The following HMBOX1 variants were observed in gnomAD, a reference collection of about 807,000 sequenced individuals.
The protein encoded by HMBOX1 is homeobox containing 1.
In HMBOX1, 14 loss-of-function variants were observed where a neutral mutation model predicts 54.5. The ratio of observed to expected loss-of-function variants is 0.26; its 90% CI spans 0.17 to 0.40. The LOEUF (loss-of-function observed/expected upper bound fraction) is 0.40, where lower values mean the gene tolerates loss of function less well. HMBOX1 is among the 10% of genes least tolerant of loss of function. The pLI is 1.00. For synonymous variants in HMBOX1, 160 were observed against 181.0 expected (o/e 0.88, Z 0.93); for missense variants, 332 against 514.4 (o/e 0.65, Z 3.43).
intron 1 of HMBOX1, chr8:28,955,862 A>G (rs1824324927): frequency 6.6e-6 from 1 of 151,394 alleles, no homozygotes; most frequent in Non-Finnish European, 1.5e-5. Context: ...CTGAGGCAGG[A>G]GAATCGCTTG....
chr8:29,028,756 T>C (rs1179359491), intron 6 of HMBOX1, among the ~76,000 whole-genome samples: 2 of 152,234 alleles, frequency 1.3e-5, no homozygotes, highest in Non-Finnish European at 2.9e-5. Context: ...GCAGTAATAC[T>C]TTCATATGTG....
At chr8:28,913,655 C>G (rs1815917632) in intron 1 of HMBOX1, among the ~76,000 whole-genome samples, 1 of 152,198 alleles carries the variant, frequency 6.6e-6, no homozygotes, top group Non-Finnish European at 1.5e-5. Context: ...ATGCATTTCT[C>G]TTTCTCTCCC....
chr8:29,009,687 G>A, intron 5 of HMBOX1: 1 of 1,286,038 alleles, frequency 7.8e-7, no homozygotes, highest in Non-Finnish European at 1.0e-6. Context: ...ACTTTAGGAT[G>A]CAGCTGCCCT....
chr8:29,037,856 C>A (rs1262402336), intron 6 of HMBOX1, among the ~76,000 whole-genome samples: 1 of 152,124 alleles, frequency 6.6e-6, no homozygotes, highest in African/African-American at 2.4e-5. Flanking sequence ...AAAGAGTAAT[C>A]TTTCTTCTAA....
intron 6 of HMBOX1, chr8:29,042,641 A>C (rs1239363779): frequency 8.8e-6 from 4 of 456,108 alleles, no homozygotes; most frequent in Non-Finnish European, 1.8e-5. Flanking sequence ...TTGTCCAGGA[A>C]CACTTGGTCC....
chr8:29,046,876 G>T (rs1225796279), intron 7 of HMBOX1, among the ~76,000 whole-genome samples: 5 of 152,174 alleles, frequency 3.3e-5, no homozygotes, highest in Non-Finnish European at 7.4e-5. Context: ...CAGCTACCTG[G>T]GGGGCTGAGG....
chr8:29,046,902 A>T (rs1805644597), intron 7 of HMBOX1, among the ~76,000 whole-genome samples: 1 of 152,218 alleles, frequency 6.6e-6, no homozygotes, highest in Non-Finnish European at 1.5e-5. Flanking sequence ...GGAGCACTTG[A>T]GCCCAGGAGG....
chr8:29,035,201 G>A (rs187131467), intron 6 of HMBOX1, among the ~76,000 whole-genome samples: 8 of 152,162 alleles, frequency 5.3e-5, no homozygotes, highest in Non-Finnish European at 1.2e-4. Flanking sequence ...TTAGTCAGAG[G>A]TAGTCATTTT....
chr8:29,051,375 A>ACC lies in HMBOX1; in HGVS notation c.*220_*221insCC. The ACC allele has an allele frequency of 1.6e-6, 1 of 636,676 alleles. No homozygotes were observed. Among genetic ancestry groups the ACC allele is most frequent in the Non-Finnish European group, 2.8e-6 (1 of 355,334 alleles). The allele number at this position is 636,676 out of a possible 1,614,324, so 39.4% of individuals were successfully genotyped here. On this transcript the variant is annotated 3_prime_UTR_variant, in exon 10 of 10. Transcript: ENST00000287701. ...TAAATAATAACCAACCAACCAACCA[A>ACC]ACTTCCCTCTCCCAGCCCCCGAGGC...
At chr8:28,918,592 A>G (rs1816985067) in intron 1 of HMBOX1, among the ~76,000 whole-genome samples, 1 of 152,182 alleles carries the variant, frequency 6.6e-6, no homozygotes, top group Non-Finnish European at 1.5e-5. Flanking sequence ...TGTTTATAGT[A>G]TTACTTGGTA....
rs768863859 is a variant in HMBOX1 at position 29,048,976 on chromosome 8, T to C, written c.1053T>C (p.His351=). 3.1e-6 allele frequency: 5 copies of C among 1,612,582 alleles called. No individual in the cohort carries two copies. The highest frequency in any genetic ancestry group is 1.7e-5 in the Admixed American group (1 of 59,822). ...ANIEAAILES[H]GIDVQSPGGH... is the part of the protein sequence containing the mutation. ...AAGAAGCAGCAATCCTGGAGAGTCATGGGATAGATGTGCAGAGTCCAGGAG... is the reference window on the plus strand; with the variant it reads ...AAGAAGCAGCAATCCTGGAGAGTCACGGGATAGATGTGCAGAGTCCAGGAG... The change falls in exon 9 of 10, where the codon CAT becomes CAC. Residue 351 remains histidine, a synonymous_variant. Transcript: ENST00000287701.
Position 28,979,220 on chromosome 8 carries a change from G to A in HMBOX1, c.501-851G>A, listed in dbSNP as rs866074017. ...TAAAGCATTGAAAGAGAGATTGGTCGGTTTTAAGAGTTTAACTATAATTTT... is the reference window on the plus strand; with the variant it reads ...TAAAGCATTGAAAGAGAGATTGGTCAGTTTTAAGAGTTTAACTATAATTTT... On this transcript the variant is annotated intron_variant, in intron 3 of 9. Transcript: ENST00000287701. 5.9e-5 allele frequency among the ~76,000 whole-genome samples: 9 copies of A among 152,216 alleles called. No homozygotes were observed. The Middle Eastern group carries it at 0.01, about 173-fold the overall frequency.
At chr8:29,030,947 G>T (rs1242721914) in intron 6 of HMBOX1, among the ~76,000 whole-genome samples, 1 of 152,188 alleles carries the variant, frequency 6.6e-6, no homozygotes, top group Admixed American at 6.5e-5. Context: ...AAAATGGAAA[G>T]AAATTATTGT....
In HMBOX1 at chr8:28,970,498, A is replaced by G; in HGVS notation, c.479A>G (p.Asp160Gly). Residue 160 changes from aspartate to glycine, a missense_variant, in exon 3 of 10, where the codon GAT (aspartate) becomes GGT (glycine). Around this residue, in one of 4 missense-constraint regions of HMBOX1, gnomAD observed 117 missense variants for 220.0 expected, o/e 0.53. Coordinates refer to ENST00000287701, the MANE Select transcript of HMBOX1 (RefSeq NM_001135726.3). The surrounding 1 kb of genome is among the most constrained non-coding windows in gnomAD (Gnocchi z 4.3). ...EASEEDLDVD[D>G]KVEELMRRDS... is the part of the protein sequence containing the mutation. ...TCAGAAGAGGACCTAGATGTAGATG[A>G]TAAAGTGGAAGAATTAATGAGGTTA... 3.1e-6 allele frequency: 5 copies of G among 1,597,822 alleles called. No individual in the cohort carries two copies. Among genetic ancestry groups the G allele is most frequent in the Non-Finnish European group, 4.3e-6 (5 of 1,171,742 alleles).
intron 4 of HMBOX1, among the ~76,000 whole-genome samples, chr8:28,981,052 C>T (rs1213335759): frequency 6.6e-6 from 1 of 152,096 alleles, no homozygotes; most frequent in Non-Finnish European, 1.5e-5. Context: ...TCAACAATAA[C>T]TTATGATTTA....
chr8:28,953,587 A>T (rs1325838423), intron 1 of HMBOX1, among the ~76,000 whole-genome samples: 1 of 151,040 alleles, frequency 6.6e-6, no homozygotes, highest in Non-Finnish European at 1.5e-5. Flanking sequence ...TCCAGTGGTT[A>T]AGCCTTTTTA....
chr8:28,943,900 T>C (rs1245271618), intron 1 of HMBOX1, among the ~76,000 whole-genome samples: 1 of 152,178 alleles, frequency 6.6e-6, no homozygotes, highest in Non-Finnish European at 1.5e-5. Flanking sequence ...GCCTCAATAT[T>C]TATATGCAGC....
At chr8:28,954,154 A>C (rs1317216060) in intron 1 of HMBOX1, among the ~76,000 whole-genome samples, 1 of 152,108 alleles carries the variant, frequency 6.6e-6, no homozygotes, top group Non-Finnish European at 1.5e-5. Flanking sequence ...CTGTAAATTG[A>C]AAGTGCCAAT....
chr8:28,900,735 A>G (rs1320737049), intron 1 of HMBOX1, among the ~76,000 whole-genome samples: 3 of 151,404 alleles, frequency 2.0e-5, no homozygotes, highest in African/African-American at 4.9e-5. Context: ...TTTTATTCCC[A>G]CCTTTTGTCA....
Sources: gnomAD v4.1 joint callset for allele counts (sites outside exome capture counted in the v4.1 genomes callset) on GRCh38, gnomAD v4.1.1 for gene constraint, gnomAD v4.1.1 regional missense constraint, Gnocchi (gnomAD v3.1) non-coding constraint, MANE v1.5 for transcripts, NCBI Gene and HGNC (gene_info 2026-07-23, HGNC 2026-07-21) for gene names.